Variants in SGCG observed in about 807,000 individuals in gnomAD.
SGCG encodes the protein sarcoglycan gamma, also known as gamma-sarcoglycan.
SGCG carries 26 observed loss-of-function variants against 29.3 expected under a neutral mutation model. The ratio of observed to expected loss-of-function variants is 0.89; its 90% confidence interval spans 0.65 to 1.23. The LOEUF (loss-of-function observed/expected upper bound fraction) is 1.23. Ranked by LOEUF, SGCG falls within the 50% of genes most tolerant of loss-of-function variation. SGCG has a pLI of 0.00. For synonymous variants in SGCG, 145 were observed against 129.7 expected, an observed-to-expected ratio of 1.12 and a Z score of -0.80; for missense variants, 353 against 356.0, an observed-to-expected ratio of 0.99 and a Z score of 0.07.
chr13:23,315,985 CCT>C (rs933295835), intron 6 of SGCG, among the ~76,000 whole-genome samples: 21 of 152,160 alleles, frequency 1.4e-4, no homozygotes, highest in African/African-American at 5.1e-4. Flanking sequence ...CCCAGTCACC[CCT>C]GTCATTGTCC....
At chr13:23,292,316 G>C (rs989764730) in intron 5 of SGCG, among the ~76,000 whole-genome samples, 2 of 152,098 alleles carry the variant, frequency 1.3e-5, no homozygotes, top group Admixed American at 6.6e-5. Flanking sequence ...GATCATGTTG[G>C]CCAGGCTGGT....
At chr13:23,318,671 C>A (rs1882921574) in intron 6 of SGCG, among the ~76,000 whole-genome samples, 1 of 152,138 alleles carries the variant, frequency 6.6e-6, no homozygotes, top group African/African-American at 2.4e-5. Context: ...ATGTATACTT[C>A]AGAGCAATCT....
chr13:23,201,360 C>T (rs1284827819), intron 1 of SGCG, among the ~76,000 whole-genome samples: 2 of 43,318 alleles, frequency 4.6e-5, no homozygotes, highest in East Asian at 1.4e-3. Context: ...GAAGAGGTCA[C>T]CTTACGTGGA....
At chr13:23,207,226 T>G (rs1878015490) in intron 2 of SGCG, among the ~76,000 whole-genome samples, 1 of 152,130 alleles carries the variant, frequency 6.6e-6, no homozygotes, top group Admixed American at 6.5e-5. Flanking sequence ...GAAAAGATAG[T>G]CTGTTCAACA....
chr13:23,284,552 G>T (rs562344800), intron 5 of SGCG, among the ~76,000 whole-genome samples: 143 of 152,126 alleles, frequency 9.4e-4, no homozygotes, highest in African/African-American at 3.1e-3. Flanking sequence ...GTTATAACAT[G>T]CTCCTTTAGC....
the SGCG span, among the ~76,000 whole-genome samples, chr13:23,163,454 T>G: frequency 7.4e-4 from 113 of 152,286 alleles, no homozygotes; most frequent in African/African-American, 2.6e-3. Context: ...TCAATTTCAA[T>G]TAGGTTAATA....
At chr13:23,248,777 G>A (rs1291089215) in intron 3 of SGCG, among the ~76,000 whole-genome samples, 1 of 151,818 alleles carries the variant, frequency 6.6e-6, no homozygotes, top group Non-Finnish European at 1.5e-5. Flanking sequence ...CGGATCACGA[G>A]GTCAGGAAAT....
chr13:23,161,121 G>A, the SGCG span, among the ~76,000 whole-genome samples: 2 of 152,134 alleles, frequency 1.3e-5, no homozygotes, highest in Admixed American at 6.5e-5. Context: ...GGTTACTTGG[G>A]GGTTTTAGAG....
chr13:23,199,924 C>G (rs986002730), intron 1 of SGCG, among the ~76,000 whole-genome samples: 1 of 152,154 alleles, frequency 6.6e-6, no homozygotes. Flanking sequence ...CCAAAGACAG[C>G]ACATTCCCCA....
chr13:23,223,534 T>C (rs986869555), intron 2 of SGCG, among the ~76,000 whole-genome samples: 1 of 152,204 alleles, frequency 6.6e-6, no homozygotes, highest in African/African-American at 2.4e-5. Context: ...TTAGATTCTA[T>C]TATTTTAAAG....
At chr13:23,192,043 C>T (rs1022962374) in intron 1 of SGCG, among the ~76,000 whole-genome samples, 3 of 151,726 alleles carry the variant, frequency 2.0e-5, no homozygotes, top group East Asian at 2.0e-4. Context: ...GGCGTGGTGG[C>T]GGGCTCCTGT....
At chr13:23,215,884 G>A (rs938241732) in intron 2 of SGCG, among the ~76,000 whole-genome samples, 8 of 151,870 alleles carry the variant, frequency 5.3e-5, no homozygotes, top group Admixed American at 3.3e-4. Flanking sequence ...TATACATAAC[G>A]GCCAAATGTG....
At chr13:23,266,082 C>A (rs1172826584) in intron 4 of SGCG, among the ~76,000 whole-genome samples, 1 of 151,976 alleles carries the variant, frequency 6.6e-6, no homozygotes, top group Non-Finnish European at 1.5e-5. Context: ...TCGAGACCAG[C>A]CTGGACAACA....
intron 2 of SGCG, among the ~76,000 whole-genome samples, chr13:23,221,008 A>T (rs565015449): frequency 6.7e-6 from 1 of 149,080 alleles, no homozygotes; most frequent in East Asian, 2.0e-4. Flanking sequence ...GAAGGAGAAA[A>T]TTATGTTATT....
intron 5 of SGCG, among the ~76,000 whole-genome samples, chr13:23,293,412 CT>C (rs1455671177): frequency 6.6e-6 from 1 of 152,048 alleles, no homozygotes; most frequent in East Asian, 1.9e-4. Context: ...TGGATAAGGG[CT>C]TTTTTCCAGC....
chr13:23,226,846 G>T (rs1878918103), intron 2 of SGCG, among the ~76,000 whole-genome samples: 1 of 152,094 alleles, frequency 6.6e-6, no homozygotes, highest in African/African-American at 2.4e-5. Flanking sequence ...CAACAAAAAA[G>T]AAAACTGAGC....
intron 5 of SGCG, among the ~76,000 whole-genome samples, chr13:23,295,117 CT>C (rs1236094213): frequency 6.6e-5 from 10 of 152,050 alleles, no homozygotes; most frequent in Non-Finnish European, 1.2e-4. Context: ...TTCAGAAGGA[CT>C]TTTTTTCTTT....
intron 6 of SGCG, among the ~76,000 whole-genome samples, chr13:23,300,832 A>AAAAAAG: frequency 7.6e-6 from 1 of 131,622 alleles, no homozygotes; most frequent in Non-Finnish European, 1.6e-5. Context: ...AAAAAAAAAA[A>AAAAAAG]GGGCCGGGCG....
At chr13:23,310,308 G>C (rs566247178) in intron 6 of SGCG, among the ~76,000 whole-genome samples, 16 of 151,742 alleles carry the variant, frequency 1.1e-4, no homozygotes, top group South Asian at 2.1e-4. Flanking sequence ...GGGTGGTCTC[G>C]ATCTCCTGAC....
Sources: gnomAD v4.1 joint callset for allele counts (sites outside exome capture counted in the v4.1 genomes callset) on GRCh38, gnomAD v4.1.1 for gene constraint, MANE v1.5 for transcripts, NCBI Gene and HGNC (gene_info 2026-07-23, HGNC 2026-07-21) for gene names.